Variants in SNX29 observed in about 807,000 individuals in gnomAD.
The protein encoded by SNX29 is sorting nexin 29.
A neutral mutation model predicts 102.1 loss-of-function variants in SNX29; 78 were observed. The ratio of observed to expected loss-of-function variants is 0.76; its 90% CI spans 0.64 to 0.92. SNX29 has a LOEUF of 0.92. SNX29 is among the 40% of genes least tolerant of loss of function. The pLI, the probability that SNX29 is intolerant of heterozygous loss-of-function variation, is 0.00. For missense variants in SNX29, 1,280 were observed against 1,061.7 expected, an observed-to-expected ratio of 1.21 and a Z score of -2.86; for synonymous variants, 580 against 414.5, an observed-to-expected ratio of 1.40 and a Z score of -4.85.
intron 14 of SNX29, among the ~76,000 whole-genome samples, chr16:12,216,262 G>C (rs1166347422): frequency 1.3e-5 from 2 of 152,204 alleles, no homozygotes; most frequent in African/African-American, 4.8e-5. Flanking sequence ...GAGTAGGTAT[G>C]GCACTTTGCC....
chr16:12,460,268 AC>A (rs1567585907), intron 18 of SNX29, among the ~76,000 whole-genome samples: 1 of 152,128 alleles, frequency 6.6e-6, no homozygotes, highest in African/African-American at 2.4e-5. Context: ...AGAGGGGGAA[AC>A]CCTAAAACTG....
At chr16:12,121,657 C>G (rs989927415) in intron 11 of SNX29, among the ~76,000 whole-genome samples, 2 of 152,216 alleles carry the variant, frequency 1.3e-5, no homozygotes, top group African/African-American at 4.8e-5. Flanking sequence ...TGCTGGCTCC[C>G]CTTTTTGGTG....
At chr16:12,522,505 C>A (rs1226550097) in intron 19 of SNX29, among the ~76,000 whole-genome samples, 1 of 152,144 alleles carries the variant, frequency 6.6e-6, no homozygotes, top group Non-Finnish European at 1.5e-5. Context: ...GAATTGTAAT[C>A]CGCAGTGTTA....
Position 12,518,592 on chromosome 16 carries a change from G to A in SNX29, c.2179-6110G>A, listed in dbSNP as rs544488748. Among the ~76,000 whole-genome samples, 20 of 152,264 alleles carry A rather than the reference G, an allele frequency of 1.3e-4. No homozygotes were observed. The East Asian group carries it at 3.7e-3, about 28-fold the overall frequency. ...TGCAAACGTAGATATTCCTCCCTGC[G>A]AGGTTCCCTGAGCACCTGTGGGTTC... On this transcript the variant is annotated intron_variant, in intron 19 of 20. Transcript: ENST00000566228.
intron 18 of SNX29, among the ~76,000 whole-genome samples, chr16:12,447,695 C>T (rs1041916543): frequency 1.3e-5 from 2 of 152,176 alleles, no homozygotes; most frequent in African/African-American, 4.8e-5. Flanking sequence ...AATTGAGATG[C>T]AGGTTAACAG....
chr16:12,435,515 G>A lies in SNX29; in HGVS notation c.2037+31986G>A, dbSNP rs534026224. 1.5e-4 allele frequency among the ~76,000 whole-genome samples: 23 copies of A among 152,270 alleles called. No individual in the cohort carries two copies. The East Asian group carries it at 4.4e-3, about 29-fold the overall frequency. On this transcript the variant is annotated intron_variant, in intron 18 of 20. Coordinates refer to ENST00000566228, the MANE Select transcript of SNX29 (RefSeq NM_032167.5). ...TTGAGGGGTCCTGGGCATGGCTTTG[G>A]CTACTTCCATTTTTATGAATCCTTC... is the stretch of plus-strand genomic sequence containing the variant.
intron 13 of SNX29, among the ~76,000 whole-genome samples, chr16:12,198,760 TCTC>T (rs767676364): frequency 3.3e-5 from 5 of 152,234 alleles, no homozygotes; most frequent in African/African-American, 9.6e-5. Context: ...GTCCAACTCT[TCTC>T]CTGTAAAATG....
At chr16:12,357,563 T>G (rs754633633) in intron 16 of SNX29, among the ~76,000 whole-genome samples, 6 of 152,238 alleles carry the variant, frequency 3.9e-5, no homozygotes, top group Non-Finnish European at 5.9e-5. Flanking sequence ...CTTGTACCAT[T>G]TTAACCATCG....
At chr16:12,071,963 CTGTT>C (rs1234556297) in intron 10 of SNX29, among the ~76,000 whole-genome samples, 7 of 152,080 alleles carry the variant, frequency 4.6e-5, no homozygotes, top group Admixed American at 6.6e-5. Context: ...CATGATTTGG[CTGTT>C]TGTCTGTGAT....
intron 19 of SNX29, among the ~76,000 whole-genome samples, chr16:12,505,509 A>G (rs1310958284): frequency 2.0e-5 from 3 of 152,180 alleles, no homozygotes; most frequent in Non-Finnish European, 2.9e-5. Context: ...TTAAAAAAAC[A>G]AATCTTATTT....
At chr16:12,163,540 G>A (rs1409729289) in intron 13 of SNX29, among the ~76,000 whole-genome samples, 1 of 152,156 alleles carries the variant, frequency 6.6e-6, no homozygotes. Context: ...CAGCACCGAT[G>A]AATTCACATG....
chr16:12,277,264 C>T (rs936407508), intron 14 of SNX29, among the ~76,000 whole-genome samples: 1 of 151,988 alleles, frequency 6.6e-6, no homozygotes, highest in Non-Finnish European at 1.5e-5. Flanking sequence ...CCTGCTGCAG[C>T]AGGGTTATGC....
At position 12,568,769 on chromosome 16, in the gene SNX29, C is replaced by G. The variant is rs2079120063; in HGVS notation, c.*140C>G. On this transcript the variant is annotated 3_prime_UTR_variant, in exon 21 of 21. Transcript: ENST00000566228. The stretch of plus-strand genomic sequence containing the variant: ...GAGCACACGATTCCCAACAGTTACA[C>G]AACACCCCGATTAAACTAATCAGTC... 2 of 1,293,156 alleles carry G rather than the reference C, an allele frequency of 1.5e-6. No homozygotes were observed. Among genetic ancestry groups the G allele is most frequent in the African/African-American group, 1.5e-5 (1 of 67,216 alleles). The allele number at this position is 1,293,156 out of a possible 1,614,324, so 80.1% of individuals were successfully genotyped here.
intron 14 of SNX29, among the ~76,000 whole-genome samples, chr16:12,225,452 A>G (rs1045297900): frequency 6.6e-6 from 1 of 152,132 alleles, no homozygotes; most frequent in African/African-American, 2.4e-5. Context: ...GATGGCTTTA[A>G]AAACGGGACT....
At chr16:12,190,773 G>T (rs1279683705) in intron 13 of SNX29, among the ~76,000 whole-genome samples, 1 of 152,080 alleles carries the variant, frequency 6.6e-6, no homozygotes, top group Admixed American at 6.5e-5. Flanking sequence ...GAGGGGAGGG[G>T]GTCGGGTCTA....
At chr16:12,526,658 C>T (rs753201440) in intron 20 of SNX29, 41 of 523,046 alleles carry the variant, frequency 7.8e-5, no homozygotes, top group Middle Eastern at 2.9e-4. Context: ...TAGCCTCTCG[C>T]GGAGTCATCA....
intron 5 of SNX29, among the ~76,000 whole-genome samples, chr16:12,045,653 G>A (rs2050058139): frequency 1.1e-5 from 1 of 91,998 alleles, no homozygotes; most frequent in Non-Finnish European, 2.7e-5. Flanking sequence ...TTATTTTGAG[G>A]TGGAGTCTTG....
chr16:12,423,473 G>A (rs142703478), intron 18 of SNX29, among the ~76,000 whole-genome samples: 78 of 152,282 alleles, frequency 5.1e-4, no homozygotes, highest in Non-Finnish European at 8.5e-4. Context: ...CAAACCCTAC[G>A]AGCACAGAGG....
At chr16:12,128,655 G>T (rs2054324173) in intron 12 of SNX29, among the ~76,000 whole-genome samples, 1 of 152,058 alleles carries the variant, frequency 6.6e-6, no homozygotes, top group African/African-American at 2.4e-5. Flanking sequence ...GTTTCATCAT[G>T]TTGGCCAGGC....
Sources: gnomAD v4.1 joint callset for allele counts (sites outside exome capture counted in the v4.1 genomes callset) on GRCh38, gnomAD v4.1.1 for gene constraint, MANE v1.5 for transcripts, NCBI Gene and HGNC (gene_info 2026-07-23, HGNC 2026-07-21) for gene names.